IST1: variants seen among roughly 807,000 people sequenced by gnomAD.
IST1 encodes the protein IST1 factor associated with ESCRT-III, also known as IST1 homolog.
IST1 carries 23 observed loss-of-function variants against 37.0 expected under a neutral mutation model. The ratio of observed to expected loss-of-function variants is 0.62; its 90% CI spans 0.45 to 0.88. IST1 has a LOEUF of 0.88. IST1 is among the 40% of genes least tolerant of loss of function. The pLI is 0.00. For synonymous variants in IST1, 180 were observed against 161.7 expected (o/e 1.11, Z -0.86); for missense variants, 488 against 445.4 (o/e 1.10, Z -0.86).
upstream of IST1, chr16:71,894,935 A>G: frequency 1.9e-6 from 2 of 1,037,636 alleles, no homozygotes; most frequent in South Asian, 2.7e-5. Context: ...CTGAGGAAAC[A>G]CTACTGAATT....
At chr16:71,895,288 C>T (rs532548064), upstream of IST1, 27 of 155,964 alleles carry the variant, frequency 1.7e-4, no homozygotes, top group Non-Finnish European at 3.0e-4. Context: ...AAATTAAGGG[C>T]ATGCCCCCAG....
At chr16:71,908,518 A>G (rs1477465203) in intron 1 of IST1, among the ~76,000 whole-genome samples, 2 of 151,630 alleles carry the variant, frequency 1.3e-5, no homozygotes, top group Non-Finnish European at 2.9e-5. Flanking sequence ...GCTGGTCTCG[A>G]ATACCACCCG....
rs72801782 is a variant in IST1 at position 71,904,197 on chromosome 16, C to G, written c.-16+8608C>G. On this transcript the variant is annotated intron_variant, in intron 1 of 9. Coordinates refer to ENST00000378799, the MANE Select transcript of IST1 (RefSeq NM_001270975.2). Reference sequence around the variant, plus strand: ...TGAGTGCAGTGGTGTGATCTCCGCTCGCTGCAATCTCTGCCTGCCAGGTTC... The same window carrying G: ...TGAGTGCAGTGGTGTGATCTCCGCTGGCTGCAATCTCTGCCTGCCAGGTTC... Among the ~76,000 whole-genome samples the G allele has an allele frequency of 2.4e-3, 364 of 152,240 alleles. 1 individual carries two copies. The highest frequency in any genetic ancestry group is 0.014 in the Middle Eastern group (4 of 292).
rs200767566 is a variant in IST1 at position 71,922,645 on chromosome 16, A to C, written c.724A>C (p.Asn242His). Reference protein sequence around the residue: ...MPMPMPMPSANTPFSYPLPKG... With the variant: ...MPMPMPMPSAHTPFSYPLPKG... Reference sequence around the variant, plus strand: ...CATGCCCATGCCTATGCCATCTGCAAATACGCCTTTCTCATATCCACTGCC... The same window carrying C: ...CATGCCCATGCCTATGCCATCTGCACATACGCCTTTCTCATATCCACTGCC... The change falls in exon 7 of 10, where the codon AAT (asparagine) becomes CAT (histidine). Residue 242 changes from asparagine to histidine, a missense_variant. By Grantham distance (68) the Asn-to-His change is moderately conservative. This residue lies in a region of IST1 where 455 missense variants were observed against 386.2 expected (regional missense o/e 1.18). Transcript: ENST00000378799. 9.2e-5 allele frequency: 149 copies of C among 1,613,654 alleles called. No individual in the cohort carries two copies. The highest frequency in any genetic ancestry group is 1.2e-4 in the Non-Finnish European group (139 of 1,179,900).
At position 71,930,930 on chromosome 16, in the gene IST1, A is replaced by G. The variant is rs974922903; in HGVS notation, c.*3117A>G. ...CCCTGATGGAAATCTATATGGCAAA[A>G]TATTTTCAAGCACCAAACTGTTTTA... On this transcript the variant is annotated 3_prime_UTR_variant, in exon 10 of 10. Transcript: ENST00000378799. 5.3e-5 allele frequency: 8 copies of G among 152,186 alleles called. No homozygotes were observed. Among genetic ancestry groups the G allele is most frequent in the African/African-American group, 1.9e-4 (8 of 41,462 alleles). The allele number at this position is 152,186 out of a possible 1,614,324, so 9.4% of individuals were successfully genotyped here.
intron 1 of IST1, among the ~76,000 whole-genome samples, chr16:71,914,920 C>G (rs1472424080): frequency 6.6e-6 from 1 of 152,094 alleles, no homozygotes; most frequent in Admixed American, 6.6e-5. Flanking sequence ...TAAAGTCTTG[C>G]GGGTAGAGGA....
Position 71,922,943 on chromosome 16 carries a change from G to T in IST1, c.759+263G>T, listed in dbSNP as rs978906209. On this transcript the variant is annotated intron_variant, in intron 7 of 9. Coordinates refer to ENST00000378799, the MANE Select transcript of IST1 (RefSeq NM_001270975.2). ...CTGAATATCTTTGGGATCTGTTATA[G>T]TCATACTAGTAGTTTTTTCCACAAA... 7.5e-6 allele frequency: 4 copies of T among 534,264 alleles called. No individual in the cohort carries two copies. In the South Asian group the frequency reaches 9.1e-5, roughly 12 times the overall value. 33.1% of individuals were successfully genotyped at this position (534,264 alleles called of 1,614,324 possible). A position where few individuals can be genotyped will look rare whatever the true frequency, so the allele number is the denominator to read the frequency against.
intron 4 of IST1, 52 bp downstream of exon 4, chr16:71,917,186 G>A: frequency 8.6e-7 from 1 of 1,157,932 alleles, no homozygotes; most frequent in African/African-American, 1.5e-5. Flanking sequence ...TTGTTAGAAA[G>A]GTTGGTTAAT....
rs1263358452 is a variant in IST1, at chr16:71,922,848, AG to A, written c.759+170del. ...GGAAAAAACACATTGGATTCAGAGA[AG>A]GTCTTCTAGTTCAGCTGTAGGAAAA... On this transcript the variant is annotated intron_variant, in intron 7 of 9. Coordinates refer to ENST00000378799, the MANE Select transcript of IST1 (RefSeq NM_001270975.2). 3 of 631,764 alleles carry A rather than the reference AG, an allele frequency of 4.7e-6. No individual in the cohort carries two copies. In the African/African-American group the frequency reaches 5.5e-5, roughly 12 times the overall value. The allele number at this position is 631,764 out of a possible 1,614,324, so 39.1% of individuals were successfully genotyped here.
Position 71,929,944 on chromosome 16 carries a change from TATG to T in IST1, c.*2134_*2136del. 1 of 1,296,930 alleles carries T rather than the reference TATG, an allele frequency of 7.7e-7. No homozygotes were observed. The highest frequency in any genetic ancestry group is 2.5e-5 in the East Asian group (1 of 39,596). 80.3% of individuals were successfully genotyped at this position (1,296,930 alleles called of 1,614,324 possible). ...GAGCTTTTGAAACTAATAAAGGGAA[TATG>T]ATACTGTGCATTATAAATTATGTCA... On this transcript the variant is annotated 3_prime_UTR_variant, in exon 10 of 10. Coordinates refer to ENST00000378799, the MANE Select transcript of IST1 (RefSeq NM_001270975.2).
chr16:71,916,769 G>C (rs1458256973), intron 3 of IST1, 127 bp downstream of exon 3: 1 of 802,356 alleles, frequency 1.2e-6, no homozygotes, highest in Non-Finnish European at 1.9e-6. Flanking sequence ...TTGCTGAAAG[G>C]CCTGTTAAAA....
At chr16:71,899,050 A>G (rs1418191445) in intron 1 of IST1, among the ~76,000 whole-genome samples, 1 of 152,154 alleles carries the variant, frequency 6.6e-6, no homozygotes. Context: ...TATTGAGAAC[A>G]AGATGAAGAT....
chr16:71,923,793 T>C (rs1247496301), intron 8 of IST1, among the ~76,000 whole-genome samples: 1 of 152,196 alleles, frequency 6.6e-6, no homozygotes, highest in African/African-American at 2.4e-5. Context: ...CAGATTGATC[T>C]TAATCAGAAA....
At chr16:71,912,460 A>G (rs2142558003) in intron 1 of IST1, among the ~76,000 whole-genome samples, 1 of 152,094 alleles carries the variant, frequency 6.6e-6, no homozygotes. Flanking sequence ...GATGGTCTCG[A>G]TCTCCTGACT....
chr16:71,895,606 C>T lies in IST1; in HGVS notation c.-16+17C>T, dbSNP rs917286576. 21 of 962,402 alleles carry T rather than the reference C, an allele frequency of 2.2e-5. No homozygotes were observed. The highest frequency in any genetic ancestry group is 2.6e-5 in the Non-Finnish European group (21 of 808,800). The allele number at this position is 962,402 out of a possible 1,614,324, so 59.6% of individuals were successfully genotyped here. A position where few individuals can be genotyped will look rare whatever the true frequency, so the allele number is the denominator to read the frequency against. On this transcript the variant is annotated intron_variant, in intron 1 of 9. Coordinates refer to ENST00000378799, the MANE Select transcript of IST1 (RefSeq NM_001270975.2). ...TTCGGTTAGGTGAGTGTGGCATCCT[C>T]GGCGTCAGAGGTCTCTGTCTTCCTC...
chr16:71,907,547 G>C (rs941789828), intron 1 of IST1, among the ~76,000 whole-genome samples: 2 of 152,134 alleles, frequency 1.3e-5, no homozygotes, highest in Admixed American at 6.6e-5. Context: ...AAAGTGCTGG[G>C]ATTACAGGCG....
Position 71,928,114 on chromosome 16 carries a change from G to GT in IST1, c.*302dup. The GT allele has an allele frequency of 2.6e-6, 1 of 377,628 alleles. No individual in the cohort carries two copies. The highest frequency in any genetic ancestry group is 2.4e-5 in the South Asian group (1 of 42,032). 23.4% of individuals were successfully genotyped at this position (377,628 alleles called of 1,614,324 possible). Reference sequence around the variant, plus strand: ...CGTCCCATGGTCCCTCCACAGGAGTGTGAGAGGATGGGGGAAGCACTGTGG... The same window carrying GT: ...CGTCCCATGGTCCCTCCACAGGAGTGTTGAGAGGATGGGGGAAGCACTGTGG... On this transcript the variant is annotated 3_prime_UTR_variant, in exon 10 of 10. Transcript: ENST00000378799.
At chr16:71,895,898 C>T (rs2036956779) in intron 1 of IST1, among the ~76,000 whole-genome samples, 1 of 152,360 alleles carries the variant, frequency 6.6e-6, no homozygotes, top group South Asian at 2.1e-4. Flanking sequence ...CGAGGTGTGT[C>T]TTCCTTGGGG....
chr16:71,914,776 T>G (rs566342205), intron 1 of IST1, among the ~76,000 whole-genome samples: 77 of 152,366 alleles, frequency 5.1e-4, no homozygotes, highest in Middle Eastern at 6.8e-3. Context: ...TGTTCTTCAG[T>G]TACTTTGTTT....
Sources: allele counts gnomAD v4.1 joint callset (sites outside exome capture counted in the v4.1 genomes callset), GRCh38; gene constraint gnomAD v4.1.1; regional missense constraint gnomAD v4.1.1; transcripts MANE v1.5; gene names NCBI Gene and HGNC (gene_info 2026-07-23, HGNC 2026-07-21).